Variants in STK17A observed in about 807,000 individuals in gnomAD.
STK17A encodes serine/threonine-protein kinase 17A.
STK17A carries 26 observed loss-of-function variants against 43.7 expected under a neutral mutation model. That is an observed-to-expected ratio of 0.60 (90% CI 0.44 to 0.83). STK17A has a LOEUF of 0.83. Among genes scored for constraint, STK17A ranks in the 40% least tolerant of loss-of-function variants. The pLI, the probability that STK17A is intolerant of heterozygous loss-of-function variation, is 0.00. For synonymous variants in STK17A, 191 were observed against 182.5 expected, an observed-to-expected ratio of 1.05 and a Z score of -0.38; for missense variants, 476 against 511.6, an observed-to-expected ratio of 0.93 and a Z score of 0.67.
chr7:43,605,813 G>C (rs574169637), intron 2 of STK17A, among the ~76,000 whole-genome samples: 1 of 152,094 alleles, frequency 6.6e-6, no homozygotes, highest in Admixed American at 6.5e-5. Flanking sequence ...TAATTTTCTA[G>C]TTGTTTATAG....
intron 3 of STK17A, among the ~76,000 whole-genome samples, chr7:43,610,722 T>C (rs968365635): frequency 4.6e-5 from 7 of 152,136 alleles, no homozygotes; most frequent in Non-Finnish European, 8.8e-5. Flanking sequence ...TTTATATAGA[T>C]AGATAGAGTC....
intron 6 of STK17A, 107 bp downstream of exon 6, chr7:43,623,995 T>C: frequency 1.3e-6 from 1 of 771,060 alleles, no homozygotes; most frequent in Non-Finnish European, 1.8e-6. Flanking sequence ...CAAAAATAGT[T>C]CAACTTCTAA....
chr7:43,587,233 C>T (rs2082449752), intron 1 of STK17A, among the ~76,000 whole-genome samples: 2 of 147,718 alleles, frequency 1.4e-5, no homozygotes, highest in Non-Finnish European at 3.0e-5. Flanking sequence ...CAGCTCACCG[C>T]AAGACCCGCC....
At chr7:43,591,280 T>TA (rs1208571002) in intron 1 of STK17A, among the ~76,000 whole-genome samples, 5 of 151,504 alleles carry the variant, frequency 3.3e-5, no homozygotes, top group Non-Finnish European at 7.4e-5. Context: ...TTTTAATAGT[T>TA]AAAAAAATTA....
At chr7:43,583,535 CGA>C in intron 1 of STK17A, 86 bp downstream of exon 1, 2 of 1,137,322 alleles carry the variant, frequency 1.8e-6, no homozygotes, top group Non-Finnish European at 2.2e-6. Flanking sequence ...GCCGCGGCGG[CGA>C]GGCTGAAGTG....
chr7:43,614,618 G>A (rs2083181335), intron 3 of STK17A, among the ~76,000 whole-genome samples: 1 of 152,220 alleles, frequency 6.6e-6, no homozygotes, highest in African/African-American at 2.4e-5. Context: ...ATTGGGCACA[G>A]TTAGTTGGTA....
At chr7:43,616,247 A>C (rs1307655920) in intron 3 of STK17A, among the ~76,000 whole-genome samples, 1 of 152,186 alleles carries the variant, frequency 6.6e-6, no homozygotes, top group Admixed American at 6.5e-5. Context: ...TTCATGGTGC[A>C]ATTCACAGAA....
intron 4 of STK17A, chr7:43,622,925 ACTC>A (rs1479089937): frequency 1.3e-5 from 2 of 150,474 alleles, no homozygotes; most frequent in Non-Finnish European, 2.9e-5. Flanking sequence ...CTGGTCTTGA[ACTC>A]CTGGTTCAAG....
chr7:43,604,212 A>T (rs2082574309), intron 2 of STK17A, among the ~76,000 whole-genome samples: 1 of 152,214 alleles, frequency 6.6e-6, no homozygotes, highest in South Asian at 2.1e-4. Context: ...ATATAAGAAA[A>T]AAAAATCAAC....
intron 1 of STK17A, among the ~76,000 whole-genome samples, chr7:43,587,871 TAGGC>T (rs1029738768): frequency 2.0e-5 from 3 of 151,670 alleles, no homozygotes; most frequent in African/African-American, 7.2e-5. Flanking sequence ...CTTCTGCTCT[TAGGC>T]AGGTACTTTA....
At chr7:43,588,767 G>T (rs2082460413) in intron 1 of STK17A, among the ~76,000 whole-genome samples, 1 of 151,404 alleles carries the variant, frequency 6.6e-6, no homozygotes, top group Admixed American at 6.6e-5. Flanking sequence ...GAGAGGTGGA[G>T]GTTGTGGTGA....
rs571546156 is a variant in STK17A at position 43,619,921 on chromosome 7, A to G, written c.691+198A>G. Among the ~76,000 whole-genome samples the G allele has an allele frequency of 2.6e-5, 4 of 152,352 alleles. No individual in the cohort carries two copies. The East Asian group carries it at 5.8e-4, about 22-fold the overall frequency. ...ATACCAAATTGGTGATCTCTTCACT[A>G]TCTCTTCACTACAGAGCTAAGAGAA... On this transcript the variant is annotated intron_variant, in intron 4 of 6. Coordinates refer to ENST00000319357, the MANE Select transcript of STK17A (RefSeq NM_004760.3).
chr7:43,591,010 G>T (rs891334621), intron 1 of STK17A, among the ~76,000 whole-genome samples: 1 of 151,368 alleles, frequency 6.6e-6, no homozygotes, highest in Non-Finnish European at 1.5e-5. Flanking sequence ...CAAGAAATCC[G>T]TTATTATCTT....
intron 1 of STK17A, among the ~76,000 whole-genome samples, chr7:43,586,811 C>T (rs2082443404): frequency 6.6e-6 from 1 of 151,362 alleles, no homozygotes; most frequent in Non-Finnish European, 1.5e-5. Flanking sequence ...AATATTAGTA[C>T]ATGCTAATAG....
intron 2 of STK17A, among the ~76,000 whole-genome samples, chr7:43,606,739 T>C (rs1249510374): frequency 3.3e-5 from 5 of 152,050 alleles, no homozygotes; most frequent in African/African-American, 1.2e-4. Flanking sequence ...GATTGTTCTT[T>C]AGTGAGATCA....
At chr7:43,598,171 T>C in intron 2 of STK17A, among the ~76,000 whole-genome samples, 1 of 151,918 alleles carries the variant, frequency 6.6e-6, no homozygotes, top group Non-Finnish European at 1.5e-5. Context: ...ATAAACCATA[T>C]TTATAAAAGA....
At position 43,583,282 on chromosome 7, in the gene STK17A, C is replaced by T. The variant is rs774334506; in HGVS notation, c.39C>T (p.Ser13=). The T allele has an allele frequency of 1.9e-6, 3 of 1,543,378 alleles. No individual in the cohort carries two copies. The Admixed American group carries it at 5.9e-5, about 31-fold the overall frequency. Residue 13 remains serine (S), a synonymous_variant, in exon 1 of 7, where the codon TCC becomes TCT. Coordinates refer to ENST00000319357, the MANE Select transcript of STK17A (RefSeq NM_004760.3). ...AGAAGCCAGGCAGCGGCGGCTCCTC[C>T]CCAGGCGCCACCTCAGGCTCGGGCC... ...PLEKPGSGGS[S]PGATSGSGRA...
intron 1 of STK17A, among the ~76,000 whole-genome samples, chr7:43,589,846 G>A (rs2082466919): frequency 6.6e-6 from 1 of 150,498 alleles, no homozygotes; most frequent in African/African-American, 2.4e-5. Context: ...AGTTATCACT[G>A]GCAATCCACT....
intron 3 of STK17A, among the ~76,000 whole-genome samples, chr7:43,611,461 C>T (rs2082871543): frequency 6.6e-6 from 1 of 152,300 alleles, no homozygotes; most frequent in African/African-American, 2.4e-5. Context: ...GACATGTGCA[C>T]ACCCACACGC....
Sources: gnomAD v4.1 joint callset for allele counts (sites outside exome capture counted in the v4.1 genomes callset) on GRCh38, gnomAD v4.1.1 for gene constraint, MANE v1.5 for transcripts, NCBI Gene and HGNC (gene_info 2026-07-23, HGNC 2026-07-21) for gene names.